Variants in PRMT3 observed in about 807,000 individuals in gnomAD.
PRMT3 encodes protein arginine N-methyltransferase 3.
PRMT3 carries 62 observed loss-of-function variants against 71.9 expected under a neutral mutation model. That is an observed-to-expected ratio of 0.86 (90% confidence interval 0.70 to 1.07). PRMT3 has a LOEUF of 1.07. PRMT3 is among the 50% of genes least tolerant of loss of function. The pLI, the probability that PRMT3 is intolerant of heterozygous loss-of-function variation, is 0.00. For missense variants in PRMT3, 663 were observed against 643.0 expected, an observed-to-expected ratio of 1.03 and a Z score of -0.34; for synonymous variants, 213 against 220.4, an observed-to-expected ratio of 0.97 and a Z score of 0.30.
chr11:20,492,235 A>G (rs1171320876), intron 13 of PRMT3, among the ~76,000 whole-genome samples: 1 of 152,200 alleles, frequency 6.6e-6, no homozygotes, highest in South Asian at 2.1e-4. Context: ...CTGGGCACTG[A>G]GAGTATAGTG....
Position 20,460,414 on chromosome 11 carries a change from T to C in PRMT3, c.1073-1566T>C, listed in dbSNP as rs377756383. On this transcript the variant is annotated intron_variant, in intron 11 of 15. Coordinates refer to ENST00000331079, the MANE Select transcript of PRMT3 (RefSeq NM_005788.4). ...ATTTTGTTATTTCTTTACTTGTTATTAGTGGAGAGTTTCTCCTTCAATCAC... is the reference window on the plus strand; with the variant it reads ...ATTTTGTTATTTCTTTACTTGTTATCAGTGGAGAGTTTCTCCTTCAATCAC... Among the ~76,000 whole-genome samples, 9 of 152,204 alleles carry C rather than the reference T, an allele frequency of 5.9e-5. No homozygotes were observed. In the East Asian group the frequency reaches 1.2e-3, roughly 20 times the overall value.
intron 15 of PRMT3, among the ~76,000 whole-genome samples, chr11:20,496,136 T>C (rs1851326708): frequency 6.6e-6 from 1 of 152,190 alleles, no homozygotes; most frequent in South Asian, 2.1e-4. Context: ...GTAGCATGTT[T>C]TATAGAAGGG....
intron 10 of PRMT3, among the ~76,000 whole-genome samples, chr11:20,432,186 G>A (rs1181995440): frequency 6.6e-6 from 1 of 151,966 alleles, no homozygotes; most frequent in African/African-American, 2.4e-5. Flanking sequence ...AAGTTATTCA[G>A]GAACATGAAT....
chr11:20,508,421 A>G lies in PRMT3; in HGVS notation c.*8A>G, dbSNP rs767529840. The G allele has an allele frequency of 3.2e-6, 5 of 1,569,844 alleles. No individual in the cohort carries two copies. The East Asian group carries it at 9.0e-5, about 28-fold the overall frequency. On this transcript the variant is annotated 3_prime_UTR_variant, in exon 16 of 16. Transcript: ENST00000331079. Reference sequence around the variant, plus strand: ...ACTTATGGTCTCCAGTGAAACAGCCATAAAAGCACACTACCTTGTAGTTTT... The same window carrying G: ...ACTTATGGTCTCCAGTGAAACAGCCGTAAAAGCACACTACCTTGTAGTTTT...
intron 7 of PRMT3, among the ~76,000 whole-genome samples, chr11:20,402,268 C>T (rs1025451596): frequency 4.6e-5 from 7 of 152,022 alleles, no homozygotes; most frequent in Admixed American, 2.0e-4. Context: ...TACAGGCATG[C>T]GCCACCACAC....
intron 2 of PRMT3, among the ~76,000 whole-genome samples, 185 bp from the exon 3 acceptor site, chr11:20,389,559 C>T (rs1848667247): frequency 6.6e-6 from 1 of 151,948 alleles, no homozygotes; most frequent in Non-Finnish European, 1.5e-5. Context: ...CTCAGAAGTA[C>T]TAATTCCCTT....
intron 10 of PRMT3, among the ~76,000 whole-genome samples, chr11:20,449,060 G>GT (rs1424523950): frequency 1.3e-5 from 2 of 152,092 alleles, no homozygotes; most frequent in Non-Finnish European, 2.9e-5. Flanking sequence ...TTTAAAGGCT[G>GT]TTGTATCACA....
chr11:20,407,775 C>T (rs1849103089), intron 8 of PRMT3, 136 bp from the exon 9 acceptor site: 2 of 827,050 alleles, frequency 2.4e-6, no homozygotes, highest in African/African-American at 3.5e-5. Flanking sequence ...AGGCGTGAGC[C>T]ACCGCGCCTG....
At chr11:20,480,789 A>G (rs1321244085) in intron 13 of PRMT3, among the ~76,000 whole-genome samples, 4 of 152,190 alleles carry the variant, frequency 2.6e-5, no homozygotes, top group Non-Finnish European at 4.4e-5. Flanking sequence ...CATTGCTCTC[A>G]GTATCAATGA....
intron 11 of PRMT3, among the ~76,000 whole-genome samples, chr11:20,454,663 A>G (rs1850228585): frequency 1.3e-5 from 2 of 152,140 alleles, no homozygotes; most frequent in South Asian, 4.1e-4. Flanking sequence ...TTAGATGCTC[A>G]TTGTTTTATC....
Position 20,403,002 on chromosome 11 carries a change from T to C in PRMT3, c.771+18T>C. 1 of 1,526,374 alleles carries C rather than the reference T, an allele frequency of 6.6e-7. No individual in the cohort carries two copies. The highest frequency in any genetic ancestry group is 9.1e-7 in the Non-Finnish European group (1 of 1,101,270). The allele number at this position is 1,526,374 out of a possible 1,614,324, so 94.6% of individuals were successfully genotyped here. ...AAGACAAGGTAAGTAGTATAGGTTA[T>C]AGAATTATACATTTCATCTTGTTCT... is the stretch of plus-strand genomic sequence containing the variant. On this transcript the variant is annotated intron_variant, in intron 8 of 15. Transcript: ENST00000331079.
chr11:20,467,237 A>G (rs1041333414), intron 13 of PRMT3, among the ~76,000 whole-genome samples: 4 of 152,210 alleles, frequency 2.6e-5, no homozygotes, highest in African/African-American at 9.6e-5. Flanking sequence ...TAATATTATC[A>G]GAGGAAGGTA....
chr11:20,496,233 A>G (rs1231546083), intron 15 of PRMT3, among the ~76,000 whole-genome samples: 4 of 152,256 alleles, frequency 2.6e-5, no homozygotes, highest in African/African-American at 7.2e-5. Flanking sequence ...TGGATCAGGT[A>G]AGTTATGTAT....
intron 13 of PRMT3, among the ~76,000 whole-genome samples, chr11:20,477,607 C>CG (rs989658489): frequency 6.6e-6 from 1 of 151,906 alleles, no homozygotes; most frequent in African/African-American, 2.4e-5. Flanking sequence ...CTGTTCTTGA[C>CG]GGGAGGGTAT....
At chr11:20,417,193 A>G (rs1849325088) in intron 9 of PRMT3, among the ~76,000 whole-genome samples, 1 of 152,042 alleles carries the variant, frequency 6.6e-6, no homozygotes, top group Non-Finnish European at 1.5e-5. Flanking sequence ...TGGCTCTTTG[A>G]TATTCCCTTC....
chr11:20,443,475 C>G (rs1849954159), intron 10 of PRMT3, among the ~76,000 whole-genome samples: 1 of 152,160 alleles, frequency 6.6e-6, no homozygotes, highest in South Asian at 2.1e-4. Context: ...TACAAGAAGC[C>G]AAACTATCAA....
chr11:20,390,927 G>A (rs1300783712), intron 3 of PRMT3, among the ~76,000 whole-genome samples: 1 of 152,068 alleles, frequency 6.6e-6, no homozygotes, highest in Non-Finnish European at 1.5e-5. Context: ...GCATGTGCCT[G>A]TAGTCCCAGC....
In PRMT3 at chr11:20,435,005, A is replaced by G. The variant is rs150864974; in HGVS notation, c.993+8140A>G. ...CCATTTCAATGATATTGATCCTTCT[A>G]CTCATCTGCATGGGATTTTTTTGTA... On this transcript the variant is annotated intron_variant, in intron 10 of 15. Coordinates refer to ENST00000331079, the MANE Select transcript of PRMT3 (RefSeq NM_005788.4). 1.1e-4 allele frequency among the ~76,000 whole-genome samples: 16 copies of G among 152,150 alleles called. No individual in the cohort carries two copies. The South Asian group carries it at 1.2e-3, about 12-fold the overall frequency.
intron 13 of PRMT3, among the ~76,000 whole-genome samples, chr11:20,482,806 C>T (rs1850971221): frequency 6.7e-6 from 1 of 148,860 alleles, no homozygotes. Context: ...GAGGAAATCA[C>T]TCCTCATGGA....
Sources: gnomAD v4.1 joint callset for allele counts (sites outside exome capture counted in the v4.1 genomes callset) on GRCh38, gnomAD v4.1.1 for gene constraint, MANE v1.5 for transcripts, NCBI Gene and HGNC (gene_info 2026-07-23, HGNC 2026-07-21) for gene names.